DLG2: variants seen among roughly 807,000 people sequenced by gnomAD.
DLG2 encodes the protein discs large MAGUK scaffold protein 2, also known as disks large homolog 2.
A neutral mutation model predicts 132.5 loss-of-function variants in DLG2; 45 were observed. That is an observed-to-expected ratio of 0.34 (90% CI 0.27 to 0.44). DLG2 has a LOEUF of 0.44. DLG2 is among the 20% of genes least tolerant of loss of function. The pLI, the probability that DLG2 is intolerant of heterozygous loss-of-function variation, is 1.00. For synonymous variants in DLG2, 424 were observed against 419.6 expected (o/e 1.01, Z -0.13); for missense variants, 1,045 against 1,196.9 (o/e 0.87, Z 1.87).
In DLG2 at chr11:83,753,865, T is replaced by G. The variant is rs868438765; in HGVS notation, c.1825+32825A>C. Among the ~76,000 whole-genome samples, 15 of 9,468 alleles carry G rather than the reference T, an allele frequency of 1.6e-3. 2 individuals carry two copies. The African/African-American group carries it at 0.02, about 13-fold the overall frequency. 6.2% of individuals were successfully genotyped at this position (9,468 alleles called of 152,430 possible). On this transcript the variant is annotated intron_variant, in intron 18 of 27. Coordinates refer to ENST00000376104, the MANE Select transcript of DLG2 (RefSeq NM_001142699.3). The stretch of plus-strand genomic sequence containing the variant: ...ATATCATATATATCATATATATATT[T>G]CATATATATGATATATATCATATAT...
intron 15 of DLG2, among the ~76,000 whole-genome samples, chr11:83,928,634 T>G (rs1022426198): frequency 6.6e-5 from 10 of 152,250 alleles, no homozygotes; most frequent in African/African-American, 2.2e-4. Context: ...GCTAATGGTC[T>G]GCCAGGTCAG....
At chr11:85,065,347 C>G (rs1048844825) in intron 6 of DLG2, among the ~76,000 whole-genome samples, 8 of 151,274 alleles carry the variant, frequency 5.3e-5, no homozygotes, top group Non-Finnish European at 8.9e-5. Context: ...TTTAAAACCC[C>G]TTGATGGCTC....
intron 3 of DLG2, among the ~76,000 whole-genome samples, chr11:85,381,750 T>C (rs1379918392): frequency 6.6e-6 from 1 of 152,072 alleles, no homozygotes; most frequent in Non-Finnish European, 1.5e-5. Context: ...GACAATTCCA[T>C]TTGTAAATTT....
At chr11:83,883,874 C>T (rs1309123418) in intron 15 of DLG2, among the ~76,000 whole-genome samples, 1 of 151,592 alleles carries the variant, frequency 6.6e-6, no homozygotes, top group Admixed American at 6.6e-5. Context: ...TTTATTATAG[C>T]TTAAATCAGG....
intron 18 of DLG2, among the ~76,000 whole-genome samples, chr11:83,637,149 T>C (rs1287657199): frequency 6.6e-6 from 1 of 152,220 alleles, no homozygotes; most frequent in East Asian, 1.9e-4. Flanking sequence ...AAGTATGTTT[T>C]ATAGAAGTCC....
At chr11:85,106,562 A>C (rs1239814257) in intron 6 of DLG2, among the ~76,000 whole-genome samples, 1 of 151,870 alleles carries the variant, frequency 6.6e-6, no homozygotes, top group African/African-American at 2.4e-5. Context: ...ATCCTGTCCC[A>C]TGCACTCCCT....
chr11:83,889,569 A>G (rs2154084089), intron 15 of DLG2, among the ~76,000 whole-genome samples: 1 of 152,322 alleles, frequency 6.6e-6, no homozygotes, highest in South Asian at 2.1e-4. Context: ...GGGATCTAGA[A>G]CTAGAAGCAT....
chr11:84,466,841 T>G (rs2099095750), intron 7 of DLG2, among the ~76,000 whole-genome samples: 1 of 151,352 alleles, frequency 6.6e-6, no homozygotes, highest in Admixed American at 6.6e-5. Flanking sequence ...GTGACAGTAT[T>G]TGTTAGGATA....
chr11:83,961,514 C>G (rs777171677), intron 14 of DLG2, among the ~76,000 whole-genome samples: 1 of 151,980 alleles, frequency 6.6e-6, no homozygotes, highest in Non-Finnish European at 1.5e-5. Context: ...CCTCTTTGAA[C>G]TTCAATGTCT....
intron 6 of DLG2, among the ~76,000 whole-genome samples, chr11:84,967,777 T>C (rs2053542220): frequency 6.6e-6 from 1 of 152,222 alleles, no homozygotes. Flanking sequence ...GACTGAAAAT[T>C]GCATAACCTG....
At chr11:84,353,068 T>G (rs1296210562) in intron 7 of DLG2, among the ~76,000 whole-genome samples, 1 of 152,160 alleles carries the variant, frequency 6.6e-6, no homozygotes, top group Non-Finnish European at 1.5e-5. Flanking sequence ...CAATATATTT[T>G]CTCTCCAGAT....
At chr11:85,562,743 T>C (rs1299622304) in intron 3 of DLG2, among the ~76,000 whole-genome samples, 5 of 151,974 alleles carry the variant, frequency 3.3e-5, no homozygotes, top group African/African-American at 9.6e-5. Context: ...ATTCATTCAT[T>C]CATTCATTCC....
At chr11:83,969,563 A>T (rs1284253045) in intron 12 of DLG2, among the ~76,000 whole-genome samples, 2 of 152,038 alleles carry the variant, frequency 1.3e-5, no homozygotes, top group Admixed American at 1.3e-4. Flanking sequence ...TTAGATAATG[A>T]TTTATTTTTT....
At chr11:85,143,954 T>C (rs1021461209) in intron 5 of DLG2, among the ~76,000 whole-genome samples, 1 of 151,848 alleles carries the variant, frequency 6.6e-6, no homozygotes, top group African/African-American at 2.4e-5. Context: ...TGGTTGACAG[T>C]GTAGATTAAG....
intron 7 of DLG2, among the ~76,000 whole-genome samples, chr11:84,466,371 G>A (rs766153977): frequency 3.3e-5 from 5 of 151,028 alleles, no homozygotes; most frequent in Non-Finnish European, 7.4e-5. Context: ...AAACTAAAAT[G>A]TATTTGCAGC....
At chr11:84,701,185 C>CA (rs1322786677) in intron 6 of DLG2, among the ~76,000 whole-genome samples, 1 of 151,446 alleles carries the variant, frequency 6.6e-6, no homozygotes, top group Admixed American at 6.6e-5. Context: ...CTCTTACTTC[C>CA]AATACATTTT....
At chr11:85,375,714 T>A (rs191782189) in intron 3 of DLG2, among the ~76,000 whole-genome samples, 1 of 152,344 alleles carries the variant, frequency 6.6e-6, no homozygotes, top group East Asian at 1.9e-4. Context: ...TTAATTCAAT[T>A]TGAACAGTAA....
chr11:84,707,288 G>A (rs1596170402), intron 6 of DLG2, among the ~76,000 whole-genome samples: 1 of 151,730 alleles, frequency 6.6e-6, no homozygotes, highest in East Asian at 1.9e-4. Flanking sequence ...TTTACAGAGA[G>A]ATAAAGATTT....
intron 6 of DLG2, among the ~76,000 whole-genome samples, chr11:85,105,036 T>C (rs2071512730): frequency 6.6e-6 from 1 of 151,920 alleles, no homozygotes; most frequent in African/African-American, 2.4e-5. Context: ...TAAACTTTGA[T>C]GACATCAATT....
Sources: gnomAD v4.1 joint callset for allele counts (sites outside exome capture counted in the v4.1 genomes callset) on GRCh38, gnomAD v4.1.1 for gene constraint, MANE v1.5 for transcripts, NCBI Gene and HGNC (gene_info 2026-07-23, HGNC 2026-07-21) for gene names.